Variants in CAMTA1 observed in about 807,000 individuals in gnomAD.
CAMTA1 encodes the protein calmodulin-binding transcription activator 1.
Under a neutral mutation model 170.9 loss-of-function variants are expected in CAMTA1, and 27 were observed. The observed-to-expected ratio is 0.16, with a 90% confidence interval of 0.12 to 0.22. CAMTA1 has a LOEUF of 0.22. CAMTA1 is among the 10% of genes least tolerant of loss of function. The pLI is 1.00. For missense variants in CAMTA1, 1,619 were observed against 2,217.2 expected (o/e 0.73, Z 5.42); for synonymous variants, 833 against 891.5 (o/e 0.93, Z 1.17).
chr1:7,319,914 A>G (rs1034444906), intron 5 of CAMTA1, among the ~76,000 whole-genome samples: 6 of 152,152 alleles, frequency 3.9e-5, no homozygotes, highest in African/African-American at 1.4e-4. Flanking sequence ...ATGGCTGCCA[A>G]TACGGAGAAA....
At chr1:6,995,234 G>GCAT in intron 3 of CAMTA1, among the ~76,000 whole-genome samples, 1 of 146,882 alleles carries the variant, frequency 6.8e-6, no homozygotes, top group Middle Eastern at 3.7e-3. Context: ...ATTATTTGTT[G>GCAT]CATGTGGGAA....
Position 7,369,656 on chromosome 1 carries a change from C to T in CAMTA1, c.439-98174C>T, listed in dbSNP as rs190449645. ...TGTCGGTGTCGCCAACCAGGAAGCT[C>T]GCTGGGCCTTGGTGCCCAGTCTTTA... On this transcript the variant is annotated intron_variant, in intron 5 of 22. Transcript: ENST00000303635. Among the ~76,000 whole-genome samples, 33 of 151,968 alleles carry T rather than the reference C, an allele frequency of 2.2e-4. No individual in the cohort carries two copies. The East Asian group carries it at 5.6e-3, about 26-fold the overall frequency.
chr1:7,082,641 C>T lies in CAMTA1; in HGVS notation c.235-8663C>T, dbSNP rs145842716. Among the ~76,000 whole-genome samples the T allele has an allele frequency of 1.3e-3, 192 of 152,266 alleles. 1 individual carries two copies. Among genetic ancestry groups the T allele is most frequent in the African/African-American group, 4.4e-3 (183 of 41,566 alleles). On this transcript the variant is annotated intron_variant, in intron 3 of 22. Coordinates refer to ENST00000303635, the MANE Select transcript of CAMTA1 (RefSeq NM_015215.4). ...TTCTGCCTTTCTATTCCTTGTCCTGCGGACTCTCATTACTTTATATTACTC... is the reference window on the plus strand; with the variant it reads ...TTCTGCCTTTCTATTCCTTGTCCTGTGGACTCTCATTACTTTATATTACTC...
chr1:7,736,128 C>T lies in CAMTA1; in HGVS notation c.3067-216C>T, dbSNP rs773800051. Among the ~76,000 whole-genome samples, 1 of 152,112 alleles carries T rather than the reference C, an allele frequency of 6.6e-6. No individual in the cohort carries two copies. Among genetic ancestry groups the T allele is most frequent in the Non-Finnish European group, 1.5e-5 (1 of 68,026 alleles). The stretch of plus-strand genomic sequence containing the variant: ...GTCTCACCATGTTGCCCAGGCTGGT[C>T]TCAAACTCCCGAGCAATCCTCCCAC... On this transcript the variant is annotated intron_variant, in intron 12 of 22. Transcript: ENST00000303635. This position sits in a 1 kb window ranked among gnomAD's most constrained non-coding sequence, Gnocchi z 4.5.
chr1:6,802,948 G>A (rs1644055793), intron 1 of CAMTA1, among the ~76,000 whole-genome samples: 1 of 152,192 alleles, frequency 6.6e-6, no homozygotes, highest in African/African-American at 2.4e-5. Flanking sequence ...GTTTCATTAT[G>A]TTGCCTAGGC....
chr1:7,240,228 T>C (rs998766182), intron 4 of CAMTA1, among the ~76,000 whole-genome samples: 2 of 152,186 alleles, frequency 1.3e-5, no homozygotes, highest in East Asian at 1.9e-4. Context: ...CTGGAGTACT[T>C]TTATAGAGAA....
intron 6 of CAMTA1, among the ~76,000 whole-genome samples, chr1:7,545,900 A>C (rs533845763): frequency 7.6e-6 from 1 of 132,048 alleles, no homozygotes; most frequent in Non-Finnish European, 1.6e-5. Context: ...ATGTGTTCTC[A>C]TTGTTCAGCT....
intron 19 of CAMTA1, among the ~76,000 whole-genome samples, chr1:7,750,764 A>G (rs2096890972): frequency 6.6e-6 from 1 of 152,248 alleles, no homozygotes; most frequent in South Asian, 2.1e-4. Context: ...ATAGTTAAAA[A>G]TCAGAGGCTG....
intron 11 of CAMTA1, among the ~76,000 whole-genome samples, chr1:7,696,232 T>A (rs2096374395): frequency 6.6e-6 from 1 of 152,206 alleles, no homozygotes; most frequent in African/African-American, 2.4e-5. Flanking sequence ...AGTCTCACAC[T>A]GTCACCCAGG....
chr1:7,647,273 C>T (rs556773633), intron 7 of CAMTA1, among the ~76,000 whole-genome samples: 41 of 100,724 alleles, frequency 4.1e-4, no homozygotes, highest in African/African-American at 1.4e-3. Context: ...GACCAAAGAT[C>T]CAGAAGGGGG....
chr1:7,556,285 G>T (rs890843253), intron 6 of CAMTA1, among the ~76,000 whole-genome samples: 1 of 152,156 alleles, frequency 6.6e-6, no homozygotes, highest in Non-Finnish European at 1.5e-5. Flanking sequence ...CTCTGGGTGG[G>T]TTGGTCTGAA....
In CAMTA1 at chr1:7,050,754, A is replaced by AG. The variant is rs1706211456; in HGVS notation, c.235-40545dup. Reference sequence around the variant, plus strand: ...TATGGTGGGGAGGGGAAGGAGCCCCAGGGGGCCTTGGCCTCCACGAGTTTC... The same window carrying AG: ...TATGGTGGGGAGGGGAAGGAGCCCCAGGGGGGCCTTGGCCTCCACGAGTTTC... On this transcript the variant is annotated intron_variant, in intron 3 of 22. Coordinates refer to ENST00000303635, the MANE Select transcript of CAMTA1 (RefSeq NM_015215.4). The surrounding 1 kb of genome is among the most constrained non-coding windows in gnomAD (Gnocchi z 4.8). Among the ~76,000 whole-genome samples, 1 of 152,030 alleles carries AG rather than the reference A, an allele frequency of 6.6e-6. No individual in the cohort carries two copies. Among genetic ancestry groups the AG allele is most frequent in the Non-Finnish European group, 1.5e-5 (1 of 67,970 alleles).
rs542306944 is a variant in CAMTA1, at chr1:6,860,685, G to A, written c.234+35475G>A. Among the ~76,000 whole-genome samples the A allele has an allele frequency of 3.3e-5, 5 of 152,120 alleles. No individual in the cohort carries two copies. The East Asian group carries it at 5.8e-4, about 18-fold the overall frequency. On this transcript the variant is annotated intron_variant, in intron 3 of 22. Transcript: ENST00000303635. ...AGCACTTTGGGAAGTCGAGGTGGGC[G>A]GATTACTTGGAGGTCAGGAGTTCAA...
At chr1:6,985,478 G>A (rs1311100942) in intron 3 of CAMTA1, among the ~76,000 whole-genome samples, 1 of 152,192 alleles carries the variant, frequency 6.6e-6, no homozygotes, top group Non-Finnish European at 1.5e-5. Context: ...ATAAGGGAAG[G>A]AACCATTATA....
At chr1:7,273,460 G>A (rs548929813) in intron 5 of CAMTA1, among the ~76,000 whole-genome samples, 1 of 152,346 alleles carries the variant, frequency 6.6e-6, no homozygotes. Flanking sequence ...CTAAGTGAAA[G>A]AGGCCAGTCA....
intron 4 of CAMTA1, among the ~76,000 whole-genome samples, chr1:7,188,552 C>T (rs1653911256): frequency 6.6e-6 from 1 of 152,156 alleles, no homozygotes; most frequent in Admixed American, 6.5e-5. Flanking sequence ...ATACAAGTAC[C>T]AATACATACA....
chr1:7,354,965 G>C (rs2084981389), intron 5 of CAMTA1, among the ~76,000 whole-genome samples: 1 of 152,164 alleles, frequency 6.6e-6, no homozygotes, highest in Admixed American at 6.5e-5. Context: ...ACTTAGGAAG[G>C]CTGAGGGGGG....
intron 7 of CAMTA1, among the ~76,000 whole-genome samples, chr1:7,655,531 C>CCTATACACACACACCT (rs139287134): frequency 6.7e-6 from 1 of 149,234 alleles, no homozygotes; most frequent in Admixed American, 6.6e-5. Flanking sequence ...CACCCACACA[C>CCTATACACACACACCT]ATACACACTG....
intron 3 of CAMTA1, among the ~76,000 whole-genome samples, chr1:6,968,664 T>C (rs1691999889): frequency 6.6e-6 from 1 of 152,034 alleles, no homozygotes; most frequent in Admixed American, 6.6e-5. Context: ...GTATCATCCA[T>C]TCCCGGTGGG....
Sources: gnomAD v4.1 joint callset for allele counts (sites outside exome capture counted in the v4.1 genomes callset) on GRCh38, gnomAD v4.1.1 for gene constraint, Gnocchi (gnomAD v3.1) non-coding constraint, MANE v1.5 for transcripts, NCBI Gene and HGNC (gene_info 2026-07-23, HGNC 2026-07-21) for gene names.